The following MAP3K2 variants were observed in gnomAD, a reference collection of about 807,000 sequenced individuals.
MAP3K2 encodes mitogen-activated protein kinase kinase kinase 2.
MAP3K2 carries 24 observed loss-of-function variants against 80.3 expected under a neutral mutation model. That is an observed-to-expected ratio of 0.30 (90% CI 0.22 to 0.42). The LOEUF (loss-of-function observed/expected upper bound fraction) is 0.42, where lower values mean the gene tolerates loss of function less well. Among genes scored for constraint, MAP3K2 ranks in the 10% least tolerant of loss-of-function variants. The pLI is 1.00. For synonymous variants in MAP3K2, 244 were observed against 253.7 expected, an observed-to-expected ratio of 0.96 and a Z score of 0.36; for missense variants, 608 against 750.1, an observed-to-expected ratio of 0.81 and a Z score of 2.21.
At position 127,319,844 on chromosome 2, in the gene MAP3K2, TAA is replaced by T. The variant is rs750112594; in HGVS notation, c.1046-1529_1046-1528del. Among the ~76,000 whole-genome samples, 35 of 108,314 alleles carry T rather than the reference TAA, an allele frequency of 3.2e-4. No homozygotes were observed. The South Asian group carries it at 3.4e-3, about 11-fold the overall frequency. The allele number at this position is 108,314 out of a possible 152,430, so 71.1% of individuals were successfully genotyped here. ...ACAAGAGTGAAACTCCATCTCAAAT[TAA>T]AAAAAAAAAAAAAAGCTGATGGAGC... On this transcript the variant is annotated intron_variant, in intron 12 of 16. Coordinates refer to ENST00000682094, the MANE Select transcript of MAP3K2 (RefSeq NM_001371910.2).
intron 2 of MAP3K2, among the ~76,000 whole-genome samples, chr2:127,341,472 A>G (rs567457121): frequency 9.1e-4 from 129 of 141,934 alleles, no homozygotes; most frequent in African/African-American, 3.3e-3. Flanking sequence ...CTGGGCACTT[A>G]TTTACCCATA....
At chr2:127,318,343 G>A (rs765297134) in intron 12 of MAP3K2, 26 bp from the exon 13 acceptor site, 1 of 1,544,940 alleles carries the variant, frequency 6.5e-7, no homozygotes, top group Middle Eastern at 1.7e-4. Flanking sequence ...TTCTTAAAGT[G>A]AAATATCAAA....
chr2:127,348,314 G>A (rs1686633740), intron 1 of MAP3K2, among the ~76,000 whole-genome samples: 1 of 152,074 alleles, frequency 6.6e-6, no homozygotes, highest in South Asian at 2.1e-4. Flanking sequence ...CTTGAACATG[G>A]GAGGCAGATG....
At chr2:127,388,128 C>T, upstream of MAP3K2, 2 of 985,002 alleles carry the variant, frequency 2.0e-6, no homozygotes, top group East Asian at 1.1e-4. Context: ...CACAGGCCAC[C>T]GCCCCCACCG....
chr2:127,386,609 A>G lies in MAP3K2; in HGVS notation c.-66+843T>C, dbSNP rs146974993. 1.8e-3 allele frequency among the ~76,000 whole-genome samples: 267 copies of G among 152,346 alleles called. 1 individual carries two copies. Among genetic ancestry groups the G allele is most frequent in the Middle Eastern group, 0.01 (3 of 294 alleles). On this transcript the variant is annotated intron_variant, in intron 1 of 16. Coordinates refer to ENST00000682094, the MANE Select transcript of MAP3K2 (RefSeq NM_001371910.2). ...AAATGTATTTATTTTTTGTGAGAGA[A>G]TAATTTTTTTCTGTCCAGTACTAGT...
In MAP3K2 at chr2:127,303,552, T is replaced by C. The variant is rs759683938; in HGVS notation, c.*4027A>G. On this transcript the variant is annotated 3_prime_UTR_variant, in exon 17 of 17. Transcript: ENST00000682094. The stretch of plus-strand genomic sequence containing the variant: ...GCCAATGATTACCTAAAATTGCTTT[T>C]CCCTTAATAAAAAATAACATTTTAA... 6 of 152,168 alleles carry C rather than the reference T, an allele frequency of 3.9e-5. No individual in the cohort carries two copies. Among genetic ancestry groups the C allele is most frequent in the Non-Finnish European group, 8.8e-5 (6 of 68,014 alleles). 9.4% of individuals were successfully genotyped at this position (152,168 alleles called of 1,614,324 possible). A position where few individuals can be genotyped will look rare whatever the true frequency, so the allele number is the denominator to read the frequency against.
intron 1 of MAP3K2, among the ~76,000 whole-genome samples, chr2:127,346,763 G>A (rs1021032524): frequency 2.0e-5 from 3 of 151,998 alleles, no homozygotes; most frequent in African/African-American, 7.3e-5. Context: ...TGAGGCAGGC[G>A]GATCACCTGA....
In MAP3K2 at chr2:127,339,873, G is replaced by A. The variant is rs1178557113; in HGVS notation, c.5-823C>T. 6.6e-6 allele frequency among the ~76,000 whole-genome samples: 1 copy of A among 152,096 alleles called. No homozygotes were observed. ...ATGATAATCACAAATGATAAATAAA[G>A]GAATCAAGAGACTTTACACTTTACA... On this transcript the variant is annotated intron_variant, in intron 2 of 16. Transcript: ENST00000682094. The surrounding 1 kb of genome is among the most constrained non-coding windows in gnomAD (Gnocchi z 4.2).
chr2:127,324,323 T>G, intron 9 of MAP3K2, 82 bp from the exon 10 acceptor site: 2 of 767,364 alleles, frequency 2.6e-6, no homozygotes, highest in Non-Finnish European at 4.2e-6. Context: ...TATCTATATC[T>G]ATCTGTGCCT....
Position 127,303,998 on chromosome 2 carries a change from A to G in MAP3K2, c.*3581T>C, listed in dbSNP as rs1276195083. 1.3e-5 allele frequency: 2 copies of G among 152,104 alleles called. No individual in the cohort carries two copies. The highest frequency in any genetic ancestry group is 2.9e-5 in the Non-Finnish European group (2 of 67,956). The allele number at this position is 152,104 out of a possible 1,614,324, so 9.4% of individuals were successfully genotyped here. A position where few individuals can be genotyped will look rare whatever the true frequency, so the allele number is the denominator to read the frequency against. Reference sequence around the variant, plus strand: ...GGAGTAGCAGAGACTTAGTCTAAAGAAATAGTTTCATCTTTTTAATGCAGT... The same window carrying G: ...GGAGTAGCAGAGACTTAGTCTAAAGGAATAGTTTCATCTTTTTAATGCAGT... On this transcript the variant is annotated 3_prime_UTR_variant, in exon 17 of 17. Coordinates refer to ENST00000682094, the MANE Select transcript of MAP3K2 (RefSeq NM_001371910.2).
chr2:127,387,864 C>A lies in MAP3K2; in HGVS notation c.-478G>T. 1.0e-6 allele frequency: 1 copy of A among 982,036 alleles called. No homozygotes were observed. Among genetic ancestry groups the A allele is most frequent in the Non-Finnish European group, 1.2e-6 (1 of 827,068 alleles). The allele number at this position is 982,036 out of a possible 1,614,324, so 60.8% of individuals were successfully genotyped here. A position where few individuals can be genotyped will look rare whatever the true frequency, so the allele number is the denominator to read the frequency against. On this transcript the variant is annotated 5_prime_UTR_variant, in exon 1 of 17. Transcript: ENST00000682094. ...AGCGTCCTGGTCGTTGTTTTCGTCG[C>A]CGCCGCGGGCCGTGCAACCCCCGAA...
rs139440202 is a variant in MAP3K2 at position 127,306,514 on chromosome 2, A to G, written c.*1065T>C. ...AGGTGCTTTAGTATTCTGTGATCCT[A>G]AGAACAAGGGTTTCATCTCCTGACA... On this transcript the variant is annotated 3_prime_UTR_variant, in exon 17 of 17. Coordinates refer to ENST00000682094, the MANE Select transcript of MAP3K2 (RefSeq NM_001371910.2). This position sits in a 1 kb window ranked among gnomAD's most constrained non-coding sequence, Gnocchi z 4.7. The G allele has an allele frequency of 6.6e-6, 1 of 152,226 alleles. No individual in the cohort carries two copies. Among genetic ancestry groups the G allele is most frequent in the African/African-American group, 2.4e-5 (1 of 41,534 alleles). The allele number at this position is 152,226 out of a possible 1,614,324, so 9.4% of individuals were successfully genotyped here.
chr2:127,350,454 CAA>C (rs752516255), intron 1 of MAP3K2, among the ~76,000 whole-genome samples: 1,840 of 99,398 alleles, frequency 0.019, 33 homozygotes, highest in African/African-American at 0.069. Flanking sequence ...AAAACAAAAA[CAA>C]AAAAAAAAAA....
rs1362554930 is a variant in MAP3K2, at chr2:127,353,472, T to C, written c.-65-10278A>G. 2.2e-5 allele frequency among the ~76,000 whole-genome samples: 3 copies of C among 137,638 alleles called. 1 individual carries two copies. The highest frequency in any genetic ancestry group is 4.8e-4 in the South Asian group (2 of 4,154). 90.3% of individuals were successfully genotyped at this position (137,638 alleles called of 152,430 possible). On this transcript the variant is annotated intron_variant, in intron 1 of 16. Coordinates refer to ENST00000682094, the MANE Select transcript of MAP3K2 (RefSeq NM_001371910.2). ...GAGCCCCTCCGCCCAGCAGCCGTCC[T>C]GTCTGAGAAGTGAGGAGCCCCTCCG...
chr2:127,388,183 C>G (rs1214097101), upstream of MAP3K2: 1 of 984,564 alleles, frequency 1.0e-6, no homozygotes, highest in African/African-American at 1.8e-5. Context: ...GCCCCGGCCT[C>G]GGCCCCGCCC....
intron 1 of MAP3K2, 56 bp downstream of exon 1, chr2:127,387,396 G>GCACACACACACACACACACACA (rs1213123568): frequency 2.4e-6 from 1 of 412,298 alleles, no homozygotes; most frequent in African/African-American, 1.2e-4. Context: ...ACACACACGC[G>GCACACACACACACACACACACA]CGCACACACA....
chr2:127,343,038 G>C (rs1686528308), intron 2 of MAP3K2, 88 bp downstream of exon 2: 1 of 944,424 alleles, frequency 1.1e-6, no homozygotes, highest in Non-Finnish European at 1.6e-6. Context: ...TTATAAAAAG[G>C]TTTATAATAA....
intron 1 of MAP3K2, among the ~76,000 whole-genome samples, chr2:127,366,386 A>C (rs1403132213): frequency 6.7e-6 from 1 of 148,518 alleles, no homozygotes; most frequent in South Asian, 2.1e-4. Context: ...TATCTCTGGA[A>C]AAAAAAAAAA....
chr2:127,388,055 G>A, upstream of MAP3K2: 1 of 983,538 alleles, frequency 1.0e-6, no homozygotes, highest in South Asian at 4.7e-5. Context: ...GGAACCCGCC[G>A]CGGGCGCGCG....
Sources: gnomAD v4.1 joint callset for allele counts (sites outside exome capture counted in the v4.1 genomes callset) on GRCh38, gnomAD v4.1.1 for gene constraint, Gnocchi (gnomAD v3.1) non-coding constraint, MANE v1.5 for transcripts, NCBI Gene and HGNC (gene_info 2026-07-23, HGNC 2026-07-21) for gene names.